The following UBE2D3 variants were observed in gnomAD, a reference collection of about 807,000 sequenced individuals.
UBE2D3 encodes the protein ubiquitin-conjugating enzyme E2 D3.
UBE2D3 carries 2 observed loss-of-function variants against 22.8 expected under a neutral mutation model. The ratio of observed to expected loss-of-function variants is 0.09; its 90% CI spans 0.04 to 0.28. UBE2D3 has a LOEUF of 0.28. Ranked by LOEUF, UBE2D3 falls within the 10% of genes least tolerant of loss-of-function variation. The pLI is 1.00. For synonymous variants in UBE2D3, 56 were observed against 60.4 expected, an observed-to-expected ratio of 0.93 and a Z score of 0.34; for missense variants, 27 against 182.5, an observed-to-expected ratio of 0.15 and a Z score of 4.91.
chr4:102,846,121 C>A lies in UBE2D3; in HGVS notation c.-128-19485G>T, dbSNP rs566643578. On this transcript the variant is annotated intron_variant, in intron 1 of 7. Coordinates refer to the UBE2D3 transcript ENST00000338145. ...CTGATATTTATATGCCATTATGTGG[C>A]CTCTACTGCCTTAGGATTCTAATGT... Among the ~76,000 whole-genome samples the A allele has an allele frequency of 5.3e-5, 8 of 152,216 alleles. No individual in the cohort carries two copies. The East Asian group carries it at 1.4e-3, about 26-fold the overall frequency.
chr4:102,827,359 C>T (rs543891254), intron 1 of UBE2D3, 68 bp downstream of exon 1: 15 of 984,238 alleles, frequency 1.5e-5, no homozygotes, highest in East Asian at 1.1e-4. Flanking sequence ...CCCGCACTGC[C>T]CCTCTTACCC....
upstream of UBE2D3, among the ~76,000 whole-genome samples, chr4:102,832,186 GA>G (rs1322789701): frequency 2.6e-5 from 4 of 152,116 alleles, no homozygotes; most frequent in Non-Finnish European, 5.9e-5. Context: ...GGCAAAGTTG[GA>G]AAAAAATTGT....
intron 1 of UBE2D3, among the ~76,000 whole-genome samples, chr4:102,845,914 C>G (rs1732017766): frequency 6.6e-6 from 1 of 152,076 alleles, no homozygotes; most frequent in Non-Finnish European, 1.5e-5. Flanking sequence ...CCTCAGTCTC[C>G]TGAGTAGCTG....
intron 2 of UBE2D3, chr4:102,825,209 T>G: frequency 1.0e-6 from 1 of 982,450 alleles, no homozygotes; most frequent in Non-Finnish European, 1.2e-6. Flanking sequence ...AAAAAAGTAA[T>G]CTATTAAAAC....
chr4:102,845,799 TTA>T (rs1732013570), intron 1 of UBE2D3, among the ~76,000 whole-genome samples: 2 of 152,296 alleles, frequency 1.3e-5, no homozygotes, highest in South Asian at 4.1e-4. Context: ...ATTTATATTT[TTA>T]TGTTTTTTGA....
chr4:102,838,646 A>G (rs1052694747), intron 1 of UBE2D3, among the ~76,000 whole-genome samples: 5 of 152,084 alleles, frequency 3.3e-5, no homozygotes, highest in African/African-American at 9.7e-5. Context: ...TTGGTGTTCA[A>G]TGTTTTCCTT....
At chr4:102,807,764 A>G (rs1727294408) in intron 4 of UBE2D3, among the ~76,000 whole-genome samples, 2 of 152,174 alleles carry the variant, frequency 1.3e-5, no homozygotes, top group Admixed American at 1.3e-4. Flanking sequence ...AATAAGCAAC[A>G]CCATTCTCTA....
At chr4:102,850,972 T>C (rs1190235315) in intron 1 of UBE2D3, among the ~76,000 whole-genome samples, 2 of 152,118 alleles carry the variant, frequency 1.3e-5, no homozygotes, top group East Asian at 1.9e-4. Flanking sequence ...AGACTACGCA[T>C]TGGCTACAGT....
upstream of UBE2D3, chr4:102,828,246 G>C: frequency 1.0e-6 from 1 of 985,462 alleles, no homozygotes; most frequent in Non-Finnish European, 1.2e-6. Flanking sequence ...TGTGGTGGGA[G>C]GTGCCAAGGA....
chr4:102,811,050 C>A (rs1361638902), intron 2 of UBE2D3: 1 of 152,116 alleles, frequency 6.6e-6, no homozygotes, highest in Non-Finnish European at 1.5e-5. Context: ...TTTGGGATTC[C>A]ATTTGAACAG....
upstream of UBE2D3, among the ~76,000 whole-genome samples, chr4:102,832,039 C>T (rs772767578): frequency 6.6e-6 from 1 of 152,136 alleles, no homozygotes; most frequent in Non-Finnish European, 1.5e-5. Flanking sequence ...AAGCATCAGA[C>T]AACATCATAG....
At chr4:102,813,557 A>C (rs749584362) in intron 2 of UBE2D3, among the ~76,000 whole-genome samples, 1 of 152,174 alleles carries the variant, frequency 6.6e-6, no homozygotes, top group Non-Finnish European at 1.5e-5. Flanking sequence ...AATGTAAGTA[A>C]AGACTCAATT....
chr4:102,828,066 T>G, upstream of UBE2D3: 1 of 985,372 alleles, frequency 1.0e-6, no homozygotes, highest in Non-Finnish European at 1.2e-6. Context: ...CCAAAATGCA[T>G]AAGTTCTCGC....
intron 1 of UBE2D3, chr4:102,827,033 G>A (rs112337299): frequency 3.0e-6 from 3 of 993,438 alleles, no homozygotes; most frequent in Non-Finnish European, 3.6e-6. Flanking sequence ...GGCTGCTTTC[G>A]GTTTCTGTCC....
At chr4:102,860,404 G>GGTGTGTGTGTGTGTGT (rs540255423) in intron 1 of UBE2D3, among the ~76,000 whole-genome samples, 6 of 122,752 alleles carry the variant, frequency 4.9e-5, no homozygotes, top group African/African-American at 2.0e-4. Context: ...ATGTTTTCCT[G>GGTGTGTGTGTGTGTGT]GTGTGTGTGT....
rs1041537495 is a variant in UBE2D3 at position 102,820,956 on chromosome 4, G to A, written c.24+5529C>T. ...GAAGGTCTCTTTTACAATAGATTAT[G>A]TTGAAAGTATCATTAGGAGATAAAA... On this transcript the variant is annotated intron_variant, in intron 2 of 7. Coordinates refer to ENST00000453744, the MANE Select transcript of UBE2D3 (RefSeq NM_181891.3). Among the ~76,000 whole-genome samples, 5 of 152,120 alleles carry A rather than the reference G, an allele frequency of 3.3e-5. 1 individual carries two copies. Among genetic ancestry groups the A allele is most frequent in the Admixed American group, 2.0e-4 (3 of 15,278 alleles).
At chr4:102,825,695 T>A in intron 2 of UBE2D3, 1 of 762,796 alleles carries the variant, frequency 1.3e-6, no homozygotes, top group Non-Finnish European at 2.0e-6. Context: ...AGGGTGTTAT[T>A]AAATAGAATG....
intron 1 of UBE2D3, among the ~76,000 whole-genome samples, chr4:102,857,315 T>C (rs1732675462): frequency 1.3e-5 from 2 of 152,362 alleles, no homozygotes; most frequent in Admixed American, 1.3e-4. Flanking sequence ...AGACTGTTGC[T>C]ATGGCCCAAA....
At chr4:102,852,840 A>G (rs867421284) in intron 1 of UBE2D3, among the ~76,000 whole-genome samples, 14 of 152,210 alleles carry the variant, frequency 9.2e-5, no homozygotes, top group African/African-American at 3.1e-4. Flanking sequence ...AAAATTTCAC[A>G]TTTATGCCAG....
Sources: allele counts gnomAD v4.1 joint callset (sites outside exome capture counted in the v4.1 genomes callset), GRCh38; gene constraint gnomAD v4.1.1; transcripts MANE v1.5; gene names NCBI Gene and HGNC (gene_info 2026-07-23, HGNC 2026-07-21).